Variants in TBC1D5 observed in about 807,000 individuals in gnomAD.
TBC1D5 encodes the protein TBC1 domain family member 5, also known as TBC1 domain family, member 5.
Under a neutral mutation model 100.3 loss-of-function variants are expected in TBC1D5, and 75 were observed. The ratio of observed to expected loss-of-function variants is 0.75; its 90% confidence interval spans 0.62 to 0.91. TBC1D5 has a LOEUF of 0.91. TBC1D5 is among the 40% of genes least tolerant of loss of function. The pLI is 0.00. For synonymous variants in TBC1D5, 323 were observed against 325.6 expected (o/e 0.99, Z 0.09); for missense variants, 910 against 942.4 (o/e 0.97, Z 0.45).
chr3:17,677,089 T>C (rs1222829005), intron 1 of TBC1D5, among the ~76,000 whole-genome samples: 1 of 152,184 alleles, frequency 6.6e-6, no homozygotes, highest in Non-Finnish European at 1.5e-5. Context: ...GACATAGGCA[T>C]GGGCAAGGAC....
chr3:17,269,180 T>C (rs2079125711), intron 15 of TBC1D5, among the ~76,000 whole-genome samples: 1 of 152,104 alleles, frequency 6.6e-6, no homozygotes, highest in African/African-American at 2.4e-5. Context: ...GATTGGGGCA[T>C]ATTTAGATGC....
intron 21 of TBC1D5, among the ~76,000 whole-genome samples, chr3:17,164,372 G>GT (rs1289722057): frequency 6.6e-6 from 1 of 152,332 alleles, no homozygotes; most frequent in East Asian, 1.9e-4. Flanking sequence ...CCATCCCTAA[G>GT]TTAGGAATGT....
chr3:17,385,454 C>A (rs2093115740), intron 8 of TBC1D5, among the ~76,000 whole-genome samples: 1 of 151,988 alleles, frequency 6.6e-6, no homozygotes, highest in Non-Finnish European at 1.5e-5. Context: ...TTACTGCCTC[C>A]CATTTCTGAA....
intron 1 of TBC1D5, among the ~76,000 whole-genome samples, chr3:17,675,935 C>T (rs957257160): frequency 6.6e-6 from 1 of 152,048 alleles, no homozygotes; most frequent in African/African-American, 2.4e-5. Context: ...TATTGTTATA[C>T]TCTCCTTAAC....
intron 16 of TBC1D5, among the ~76,000 whole-genome samples, chr3:17,247,812 G>C (rs918241192): frequency 2.6e-5 from 4 of 152,084 alleles, no homozygotes; most frequent in African/African-American, 9.7e-5. Context: ...AATGTTCATA[G>C]CATATTTACC....
intron 2 of TBC1D5, among the ~76,000 whole-genome samples, chr3:17,551,955 C>T (rs183870555): frequency 1.6e-3 from 242 of 152,186 alleles, no homozygotes; most frequent in Non-Finnish European, 3.0e-3. Flanking sequence ...TCTGCCCTTA[C>T]CCCTTTTATT....
chr3:17,554,097 T>C (rs1186165509), intron 2 of TBC1D5, among the ~76,000 whole-genome samples: 1 of 152,164 alleles, frequency 6.6e-6, no homozygotes, highest in Non-Finnish European at 1.5e-5. Context: ...TACAAGGACA[T>C]ATAAGATAGA....
At chr3:17,620,824 T>A (rs1460340382) in intron 2 of TBC1D5, among the ~76,000 whole-genome samples, 1 of 152,090 alleles carries the variant, frequency 6.6e-6, no homozygotes, top group African/African-American at 2.4e-5. Flanking sequence ...GAAAGAAAAC[T>A]AATACAAGTG....
At chr3:17,339,333 A>C (rs1427954887) in intron 13 of TBC1D5, among the ~76,000 whole-genome samples, 1 of 152,198 alleles carries the variant, frequency 6.6e-6, no homozygotes, top group East Asian at 1.9e-4. Flanking sequence ...GACAAGTTGA[A>C]GTTCCGCTCA....
In TBC1D5 at chr3:17,673,516, G is replaced by A. The variant is rs1385809701; in HGVS notation, c.-100-49603C>T. Among the ~76,000 whole-genome samples, 4 of 150,450 alleles carry A rather than the reference G, an allele frequency of 2.7e-5. No individual in the cohort carries two copies. The East Asian group carries it at 5.9e-4, about 22-fold the overall frequency. On this transcript the variant is annotated intron_variant, in intron 1 of 21. Transcript: ENST00000253692. ...TTTTTTGCAGAGTGAGGGTTTCGCC[G>A]TATTGCCCAGCCTGGTCTCGATCGC...
rs1271632557 is a variant in TBC1D5 at position 17,500,142 on chromosome 3, A to G, written c.97+8332T>C. ...TTCAATGACTGTTCACATAAATCCAACTCTAAAGTAACTGTAAAGTAGCCT... is the reference window on the plus strand; with the variant it reads ...TTCAATGACTGTTCACATAAATCCAGCTCTAAAGTAACTGTAAAGTAGCCT... On this transcript the variant is annotated intron_variant, in intron 3 of 21. Coordinates refer to ENST00000253692, the Ensembl canonical transcript of TBC1D5. Among the ~76,000 whole-genome samples the G allele has an allele frequency of 5.4e-5, 8 of 149,468 alleles. 1 individual carries two copies. Among genetic ancestry groups the G allele is most frequent in the African/African-American group, 2.0e-4 (8 of 39,310 alleles).
At chr3:17,220,204 T>C (rs927093122) in intron 17 of TBC1D5, among the ~76,000 whole-genome samples, 2 of 152,304 alleles carry the variant, frequency 1.3e-5, no homozygotes, top group Middle Eastern at 3.4e-3. Flanking sequence ...TATAACTATA[T>C]GCACATTTTA....
intron 3 of TBC1D5, among the ~76,000 whole-genome samples, chr3:17,447,844 G>A (rs2094835460): frequency 6.6e-6 from 1 of 152,086 alleles, no homozygotes; most frequent in South Asian, 2.1e-4. Context: ...AGGATCTTGT[G>A]TACATTTGTA....
intron 13 of TBC1D5, among the ~76,000 whole-genome samples, chr3:17,347,060 AC>A (rs2089987783): frequency 1.3e-5 from 2 of 152,314 alleles, no homozygotes; most frequent in African/African-American, 4.8e-5. Context: ...TAAATTATAT[AC>A]TTTTACATGT....
intron 9 of TBC1D5, among the ~76,000 whole-genome samples, chr3:17,380,891 A>G (rs1179519665): frequency 2.0e-5 from 3 of 152,080 alleles, no homozygotes; most frequent in Admixed American, 6.6e-5. Flanking sequence ...ATAAAATCCC[A>G]TAACTATTAA....
chr3:17,166,746 T>C, intron 21 of TBC1D5, 21 bp downstream of exon 22: 1 of 1,594,044 alleles, frequency 6.3e-7, no homozygotes, highest in Middle Eastern at 1.7e-4. Flanking sequence ...TAATGTAACA[T>C]GTTCCTCAGA....
chr3:17,729,644 T>C (rs772983412), intron 1 of TBC1D5, among the ~76,000 whole-genome samples: 6 of 151,674 alleles, frequency 4.0e-5, no homozygotes, highest in Non-Finnish European at 5.9e-5. Flanking sequence ...GAGGCAGAGG[T>C]TGCAGTTAGC....
chr3:17,602,955 A>T (rs1202437516), intron 2 of TBC1D5, among the ~76,000 whole-genome samples: 1 of 152,086 alleles, frequency 6.6e-6, no homozygotes, highest in East Asian at 1.9e-4. Flanking sequence ...ACCAAAATAC[A>T]TCCTGAGCCT....
intron 19 of TBC1D5, among the ~76,000 whole-genome samples, chr3:17,171,859 C>T (rs1353875031): frequency 6.6e-6 from 1 of 152,174 alleles, no homozygotes. Flanking sequence ...CAATAAAAGA[C>T]AATGCAACCT....
Sources: allele counts gnomAD v4.1 joint callset (sites outside exome capture counted in the v4.1 genomes callset), GRCh38; gene constraint gnomAD v4.1.1; transcripts MANE v1.5; gene names NCBI Gene and HGNC (gene_info 2026-07-23, HGNC 2026-07-21).